Variants in MME observed in about 807,000 individuals in gnomAD.
The protein encoded by MME is membrane metalloendopeptidase.
In MME, 98 loss-of-function variants were observed where a neutral mutation model predicts 113.2. The ratio of observed to expected loss-of-function variants is 0.87; its 90% confidence interval spans 0.74 to 1.02. MME has a LOEUF of 1.02. Ranked by LOEUF, MME falls within the 50% of genes least tolerant of loss-of-function variation. The pLI is 0.00. For missense variants in MME, 836 were observed against 896.0 expected, an observed-to-expected ratio of 0.93 and a Z score of 0.86; for synonymous variants, 292 against 300.6, an observed-to-expected ratio of 0.97 and a Z score of 0.30.
chr3:155,160,590 A>T lies in MME; in HGVS notation c.1660+142A>T, dbSNP rs1024817823. 16 of 635,826 alleles carry T rather than the reference A, an allele frequency of 2.5e-5. No individual in the cohort carries two copies. In the African/African-American group the frequency reaches 2.7e-4, roughly 11 times the overall value. 39.4% of individuals were successfully genotyped at this position (635,826 alleles called of 1,614,324 possible). A position where few individuals can be genotyped will look rare whatever the true frequency, so the allele number is the denominator to read the frequency against. ...CTATTGAATGCATTTCTTGAAAGTA[A>T]ATGCATCCGTGTACCTTCTTTCACT... On this transcript the variant is annotated intron_variant, in intron 17 of 22. Coordinates refer to ENST00000360490, the MANE Select transcript of MME (RefSeq NM_007289.4).
chr3:155,099,229 G>A (rs1369982647), intron 3 of MME, among the ~76,000 whole-genome samples: 1 of 152,178 alleles, frequency 6.6e-6, no homozygotes, highest in Non-Finnish European at 1.5e-5. Context: ...AGGGCCACCT[G>A]TCTGGCATAT....
At chr3:155,151,201 G>A (rs144946715) in intron 16 of MME, among the ~76,000 whole-genome samples, 301 of 152,208 alleles carry the variant, frequency 2.0e-3, no homozygotes, top group African/African-American at 6.9e-3. Flanking sequence ...CACATAGCCC[G>A]TAGTTACATC....
intron 1 of MME, chr3:155,081,538 T>C (rs1183154568): frequency 1.3e-5 from 2 of 152,234 alleles, no homozygotes; most frequent in Non-Finnish European, 2.9e-5. Context: ...ACATCTTCAG[T>C]TGAAGTGAAA....
chr3:155,166,250 C>T (rs1226527323), intron 17 of MME, among the ~76,000 whole-genome samples: 2 of 151,946 alleles, frequency 1.3e-5, no homozygotes, highest in African/African-American at 4.8e-5. Flanking sequence ...TCTCTGCTCT[C>T]AAAGGGCTAA....
At chr3:155,149,495 T>C (rs142671481) in intron 16 of MME, among the ~76,000 whole-genome samples, 147 of 152,280 alleles carry the variant, frequency 9.7e-4, no homozygotes, top group African/African-American at 3.4e-3. Flanking sequence ...GAGGTGCTTG[T>C]TTCATTCATG....
At chr3:155,145,723 G>T (rs896367005) in intron 14 of MME, among the ~76,000 whole-genome samples, 1 of 152,096 alleles carries the variant, frequency 6.6e-6, no homozygotes, top group Admixed American at 6.6e-5. Flanking sequence ...ATGTTTTTGC[G>T]ACAGCATTTA....
chr3:155,040,650 T>A (rs1203012174), intron 1 of MME, among the ~76,000 whole-genome samples: 1 of 151,978 alleles, frequency 6.6e-6, no homozygotes, highest in African/African-American at 2.4e-5. Context: ...ATGTTAATAT[T>A]TGGAAAAATA....
At chr3:155,063,498 TA>T (rs1227502197) in intron 1 of MME, among the ~76,000 whole-genome samples, 2,580 of 110,466 alleles carry the variant, frequency 0.023, 42 homozygotes, top group Non-Finnish European at 0.035. Context: ...TATATATATT[TA>T]AATATATATA....
intron 22 of MME, among the ~76,000 whole-genome samples, chr3:155,174,575 T>C (rs1712336967): frequency 6.6e-6 from 1 of 152,098 alleles, no homozygotes; most frequent in South Asian, 2.1e-4. Flanking sequence ...CGAGTTGCTA[T>C]TTAAGAATTG....
At chr3:155,133,600 C>T (rs1720347926) in intron 8 of MME, among the ~76,000 whole-genome samples, 1 of 147,500 alleles carries the variant, frequency 6.8e-6, no homozygotes, top group African/African-American at 2.5e-5. Flanking sequence ...AAAAGCATCC[C>T]ATATATATAT....
At chr3:155,177,588 A>G (rs1008369728) in intron 22 of MME, among the ~76,000 whole-genome samples, 1 of 152,172 alleles carries the variant, frequency 6.6e-6, no homozygotes, top group Non-Finnish European at 1.5e-5. Context: ...CGGAAGTCTA[A>G]GATCAGGGTG....
chr3:155,176,781 G>A (rs375207159), intron 22 of MME, among the ~76,000 whole-genome samples: 5 of 152,160 alleles, frequency 3.3e-5, no homozygotes, highest in Middle Eastern at 3.4e-3. Flanking sequence ...AGCTGTGATC[G>A]TGCCTCTACA....
rs746439998 is a variant in MME, at chr3:155,084,178, C to G, written c.11C>G (p.Ser4Ter). MGK[S>*]ESQMDITDIN... ...TGCAGATTTTAGGTGATGGGCAAGT[C>G]AGAAAGTCAGATGGATATAACTGAT... The change falls in exon 2 of 23, where the codon TCA becomes TGA. Residue 4 changes from serine (S) to a stop codon, truncating the protein, a stop_gained. Coordinates refer to ENST00000360490, the MANE Select transcript of MME (RefSeq NM_007289.4). LOFTEE classifies it high-confidence loss of function. The G allele has an allele frequency of 9.3e-6, 15 of 1,613,830 alleles. No homozygotes were observed. Among genetic ancestry groups the G allele is most frequent in the African/African-American group, 1.3e-5 (1 of 74,866 alleles).
intron 10 of MME, among the ~76,000 whole-genome samples, 189 bp downstream of exon 10, chr3:155,140,481 A>G (rs944738495): frequency 7.1e-6 from 1 of 140,858 alleles, no homozygotes; most frequent in Admixed American, 7.9e-5. Context: ...CAGTGACACA[A>G]TCTTGGCTCA....
At chr3:155,056,100 G>A (rs1032458510) in intron 1 of MME, among the ~76,000 whole-genome samples, 1 of 152,066 alleles carries the variant, frequency 6.6e-6, no homozygotes, top group African/African-American at 2.4e-5. Context: ...AAGGGAAATT[G>A]AATTCTACCT....
At chr3:155,159,137 T>C (rs1722525719) in intron 16 of MME, among the ~76,000 whole-genome samples, 1 of 152,046 alleles carries the variant, frequency 6.6e-6, no homozygotes, top group Admixed American at 6.6e-5. Flanking sequence ...TTTTAAGAGA[T>C]CAAAATAAAA....
In MME at chr3:155,143,163, A is replaced by G. The variant is rs73875823; in HGVS notation, c.1189-280A>G. On this transcript the variant is annotated intron_variant, in intron 12 of 22. Coordinates refer to ENST00000360490, the MANE Select transcript of MME (RefSeq NM_007289.4). ...ACATTTATGTTTGTGCAGTGGTTAC[A>G]GTGTTGTATGTTTTTCTAACGCTTT... 5.3e-3 allele frequency among the ~76,000 whole-genome samples: 813 copies of G among 152,238 alleles called. 8 individuals carry two copies. The highest frequency in any genetic ancestry group is 0.018 in the African/African-American group (756 of 41,554).
intron 13 of MME, among the ~76,000 whole-genome samples, chr3:155,143,793 C>G (rs1721306194): frequency 6.6e-6 from 1 of 152,122 alleles, no homozygotes; most frequent in Non-Finnish European, 1.5e-5. Context: ...CTGAAACCAA[C>G]TCACCATTTT....
intron 1 of MME, among the ~76,000 whole-genome samples, chr3:155,072,426 T>C (rs1017164416): frequency 3.3e-5 from 5 of 152,234 alleles, no homozygotes; most frequent in African/African-American, 1.2e-4. Context: ...GATTACATAA[T>C]CATTACATCT....
Sources: gnomAD v4.1 joint callset for allele counts (sites outside exome capture counted in the v4.1 genomes callset) on GRCh38, gnomAD v4.1.1 for gene constraint, MANE v1.5 for transcripts, NCBI Gene and HGNC (gene_info 2026-07-23, HGNC 2026-07-21) for gene names.